The following ZSCAN25 variants were observed in gnomAD, a reference collection of about 807,000 sequenced individuals.
The protein encoded by ZSCAN25 is zinc finger and SCAN domain-containing protein 25.
Under a neutral mutation model 38.7 loss-of-function variants are expected in ZSCAN25, and 27 were observed. That is an observed-to-expected ratio of 0.70 (90% CI 0.51 to 0.96). The LOEUF (loss-of-function observed/expected upper bound fraction) is 0.96. Among genes scored for constraint, ZSCAN25 ranks in the 40% least tolerant of loss-of-function variants. The pLI is 0.00. For synonymous variants in ZSCAN25, 273 were observed against 277.7 expected (o/e 0.98, Z 0.17); for missense variants, 637 against 705.9 (o/e 0.90, Z 1.11).
Position 99,630,845 on chromosome 7 carries a change from G to A in ZSCAN25, c.*825G>A, listed in dbSNP as rs1023801006. On this transcript the variant is annotated 3_prime_UTR_variant, in exon 8 of 8. Coordinates refer to ENST00000394152, the MANE Select transcript of ZSCAN25 (RefSeq NM_145115.3). ...TATTGATCACTGAATAAACATCAGA[G>A]TATTTTAAAAAACAGTTCTCTAGAA... 1.5e-5 allele frequency: 15 copies of A among 985,152 alleles called. No individual in the cohort carries two copies. Among genetic ancestry groups the A allele is most frequent in the Non-Finnish European group, 1.8e-5 (15 of 829,690 alleles). 61.0% of individuals were successfully genotyped at this position (985,152 alleles called of 1,614,324 possible).
the ZSCAN25 span, chr7:99,662,838 C>T: frequency 1.4e-5 from 23 of 1,613,752 alleles, no homozygotes; most frequent in South Asian, 2.3e-4. The surrounding 1 kb of genome is among the most constrained non-coding windows in gnomAD (Gnocchi z 4.3). Context: ...CAGTTTCTTT[C>T]GAATTCTGGG....
the ZSCAN25 span, among the ~76,000 whole-genome samples, chr7:99,641,918 C>A: frequency 1.3e-5 from 2 of 152,232 alleles, no homozygotes; most frequent in African/African-American, 4.8e-5. Context: ...ACCAGATAAT[C>A]TTTTAAAAAT....
At chr7:99,711,773 A>C in the ZSCAN25 span, among the ~76,000 whole-genome samples, 15 of 88,026 alleles carry the variant, frequency 1.7e-4, no homozygotes, top group Admixed American at 5.2e-4. Context: ...CTGTCTCAAA[A>C]CAAAACAAAA....
the ZSCAN25 span, chr7:99,671,836 C>T: frequency 3.4e-5 from 24 of 702,780 alleles, no homozygotes; most frequent in South Asian, 7.4e-5. Flanking sequence ...CACATGGTGA[C>T]GGAATGGGTC....
the ZSCAN25 span, chr7:99,647,749 A>C: frequency 2.0e-6 from 2 of 985,422 alleles, no homozygotes; most frequent in Non-Finnish European, 2.4e-6. Context: ...AAGGCCCCAC[A>C]CCAACAGTGA....
At chr7:99,701,488 A>G in the ZSCAN25 span, among the ~76,000 whole-genome samples, 1 of 152,202 alleles carries the variant, frequency 6.6e-6, no homozygotes, top group African/African-American at 2.4e-5. Flanking sequence ...GGATTTCTGG[A>G]TCTTATGATA....
At chr7:99,726,543 C>T in the ZSCAN25 span, among the ~76,000 whole-genome samples, 11 of 152,214 alleles carry the variant, frequency 7.2e-5, no homozygotes, top group African/African-American at 2.7e-4. Flanking sequence ...TATTCCCCTG[C>T]ACCACACATC....
At position 99,619,545 on chromosome 7, in the gene ZSCAN25, C is replaced by G. The variant is rs1243711961; in HGVS notation, c.-46-16C>G. On this transcript the variant is annotated splice_polypyrimidine_tract_variant and intron_variant, in intron 3 of 7. Coordinates refer to ENST00000394152, the MANE Select transcript of ZSCAN25 (RefSeq NM_145115.3). Reference sequence around the variant, plus strand: ...TGGGATGGGCTGACCTTTCATGTGTCTCTTGTTCTCAAAAGGGTCATTGAT... The same window carrying G: ...TGGGATGGGCTGACCTTTCATGTGTGTCTTGTTCTCAAAAGGGTCATTGAT... 1.2e-5 allele frequency: 19 copies of G among 1,533,000 alleles called. No individual in the cohort carries two copies. Among genetic ancestry groups the G allele is most frequent in the Non-Finnish European group, 1.5e-5 (17 of 1,139,400 alleles). 95.0% of individuals were successfully genotyped at this position (1,533,000 alleles called of 1,614,324 possible).
the ZSCAN25 span, among the ~76,000 whole-genome samples, chr7:99,698,558 A>C: frequency 2.0e-5 from 3 of 152,214 alleles, no homozygotes; most frequent in Admixed American, 6.5e-5. Flanking sequence ...GGAGGTATTA[A>C]AATAAACTGT....
chr7:99,646,997 A>G, the ZSCAN25 span, among the ~76,000 whole-genome samples: 2 of 152,216 alleles, frequency 1.3e-5, no homozygotes, highest in Non-Finnish European at 2.9e-5. Context: ...GATTAATGCT[A>G]GCTTTCTCCC....
the ZSCAN25 span, among the ~76,000 whole-genome samples, chr7:99,709,432 A>G: frequency 4.7e-3 from 711 of 152,326 alleles, 7 homozygotes; most frequent in Admixed American, 7.0e-3. Flanking sequence ...GATGTGCTCA[A>G]TGGCCCACTA....
chr7:99,721,170 A>G, the ZSCAN25 span, among the ~76,000 whole-genome samples: 1 of 152,332 alleles, frequency 6.6e-6, no homozygotes, highest in South Asian at 2.1e-4. Flanking sequence ...ACAATGGTTT[A>G]AGAATATTCA....
At chr7:99,685,443 C>T in the ZSCAN25 span, among the ~76,000 whole-genome samples, 2 of 152,200 alleles carry the variant, frequency 1.3e-5, no homozygotes. Flanking sequence ...AAATAATTCT[C>T]CTTTGCTAAA....
chr7:99,624,132 G>A lies in ZSCAN25; in HGVS notation c.757G>A (p.Asp253Asn). 6.2e-7 allele frequency: 1 copy of A among 1,614,090 alleles called. No individual in the cohort carries two copies. Among genetic ancestry groups the A allele is most frequent in the Non-Finnish European group, 8.5e-7 (1 of 1,180,010 alleles). Residue 253 changes from aspartate (D) to asparagine (N), a missense_variant, in exon 7 of 8, where the codon GAC becomes AAC. By Grantham distance (23) the Asp-to-Asn change is conservative (BLOSUM62 1). Transcript: ENST00000394152. ...GAGGCATGTGACCCCAGCCCAGATAGACTGCTTTGGGGAGTATGTGGAACC... is the reference window on the plus strand; with the variant it reads ...GAGGCATGTGACCCCAGCCCAGATAAACTGCTTTGGGGAGTATGTGGAACC... ...EWRHVTPAQIDCFGEYVEPQD... is the reference protein window; with the variant it reads ...EWRHVTPAQINCFGEYVEPQD...
the ZSCAN25 span, chr7:99,666,670 T>A: frequency 6.2e-7 from 1 of 1,614,070 alleles, no homozygotes; most frequent in African/African-American, 1.3e-5. Flanking sequence ...ATCTCCATAC[T>A]GGGCAATGAT....
chr7:99,725,559 A>T, the ZSCAN25 span, among the ~76,000 whole-genome samples: 1 of 152,346 alleles, frequency 6.6e-6, no homozygotes, highest in East Asian at 1.9e-4. Context: ...AAGCCTGGCC[A>T]CTGGGCCTCA....
chr7:99,710,831 G>T, the ZSCAN25 span: 4 of 1,613,680 alleles, frequency 2.5e-6, no homozygotes, highest in East Asian at 6.7e-5. Flanking sequence ...CACTGCTCGT[G>T]GTTTCATAGC....
Sources: allele counts gnomAD v4.1 joint callset (sites outside exome capture counted in the v4.1 genomes callset), GRCh38; gene constraint gnomAD v4.1.1; non-coding constraint Gnocchi (gnomAD v3.1); transcripts MANE v1.5; gene names NCBI Gene and HGNC (gene_info 2026-07-23, HGNC 2026-07-21).